INSL6: variants seen among roughly 807,000 people sequenced by gnomAD.
The protein encoded by INSL6 is insulin-like peptide INSL6.
INSL6 carries 16 observed loss-of-function variants against 9.4 expected under a neutral mutation model. The observed-to-expected ratio is 1.70, with a 90% CI of 1.15 to 2.59. INSL6 has a LOEUF of 2.59. Ranked by LOEUF, INSL6 falls within the 30% of genes most tolerant of loss-of-function variation. The probability of loss-of-function intolerance (pLI) is 0.00; values close to 1 mark genes in which losing one functional copy is unlikely to be tolerated. For missense variants in INSL6, 391 were observed against 257.3 expected (o/e 1.52, Z -3.56); for synonymous variants, 154 against 96.9 (o/e 1.59, Z -3.46).
chr9:5,080,938 C>T, the INSL6 span, among the ~76,000 whole-genome samples: 1 of 140,096 alleles, frequency 7.1e-6, no homozygotes, highest in Non-Finnish European at 1.5e-5. Context: ...CTCTGTCGCC[C>T]AGGCTGGAGT....
At chr9:5,114,547 C>A in the INSL6 span, 1 of 479,946 alleles carries the variant, frequency 2.1e-6, no homozygotes, top group Non-Finnish European at 4.1e-6. Flanking sequence ...GACAAGCGCA[C>A]CCTCACCTGC....
At chr9:5,138,747 A>G (rs933526997) in intron 2 of INSL6, among the ~76,000 whole-genome samples, 1 of 152,038 alleles carries the variant, frequency 6.6e-6, no homozygotes, top group Non-Finnish European at 1.5e-5. Context: ...AAATAATAAA[A>G]GTACTGAATC....
chr9:5,025,538 C>CTTTT, the INSL6 span, among the ~76,000 whole-genome samples: 55 of 140,374 alleles, frequency 3.9e-4, 2 homozygotes, highest in Non-Finnish European at 6.9e-4. Flanking sequence ...AGTTTGTTTC[C>CTTTT]TTTTTTTTTT....
At chr9:5,147,123 C>T (rs983919369) in intron 2 of INSL6, among the ~76,000 whole-genome samples, 4 of 152,148 alleles carry the variant, frequency 2.6e-5, no homozygotes, top group Non-Finnish European at 4.4e-5. Flanking sequence ...TCCTGCAGCA[C>T]ATCAGTTAGT....
chr9:5,161,640 T>C (rs1389946226), downstream of INSL6, among the ~76,000 whole-genome samples: 1 of 151,964 alleles, frequency 6.6e-6, no homozygotes, highest in African/African-American at 2.4e-5. Flanking sequence ...AAGAAATGAG[T>C]AAAACCATCC....
At chr9:5,033,279 C>G in the INSL6 span, among the ~76,000 whole-genome samples, 1 of 151,442 alleles carries the variant, frequency 6.6e-6, no homozygotes, top group African/African-American at 2.4e-5. Context: ...ATTGGTGTAC[C>G]TGATGGGGAG....
At chr9:5,057,580 C>CTTTTTTTTTTTTTTTTTTTTTTTT in the INSL6 span, among the ~76,000 whole-genome samples, 1 of 116,800 alleles carries the variant, frequency 8.6e-6, no homozygotes. Context: ...ATTCTACTTT[C>CTTTTTTTTTTTTTTTTTTTTTTTT]TTTTTTTTTT....
the INSL6 span, among the ~76,000 whole-genome samples, chr9:5,096,416 C>G: frequency 1.3e-5 from 2 of 152,136 alleles, no homozygotes; most frequent in Admixed American, 1.3e-4. Context: ...CTTGCTAGAT[C>G]GGTGGAATTC....
chr9:5,145,795 C>G (rs1824591727), intron 2 of INSL6, among the ~76,000 whole-genome samples: 1 of 152,162 alleles, frequency 6.6e-6, no homozygotes, highest in African/African-American at 2.4e-5. Context: ...GTTTTCAGCT[C>G]TATCAGGCCG....
chr9:5,142,797 C>T (rs1317600846), intron 2 of INSL6, among the ~76,000 whole-genome samples: 1 of 152,102 alleles, frequency 6.6e-6, no homozygotes, highest in Non-Finnish European at 1.5e-5. Flanking sequence ...GAGAATGCTT[C>T]AAACTTTTAC....
At chr9:5,004,208 T>C in the INSL6 span, among the ~76,000 whole-genome samples, 1 of 152,204 alleles carries the variant, frequency 6.6e-6, no homozygotes, top group Non-Finnish European at 1.5e-5. Context: ...ATCACCATGA[T>C]GTACAATAGA....
chr9:5,005,613 G>C, the INSL6 span, among the ~76,000 whole-genome samples: 4 of 152,092 alleles, frequency 2.6e-5, no homozygotes, highest in Non-Finnish European at 5.9e-5. Context: ...AGAGATTCCA[G>C]TGTAATTTTT....
the INSL6 span, among the ~76,000 whole-genome samples, chr9:5,010,272 C>G: frequency 6.6e-6 from 1 of 151,752 alleles, no homozygotes; most frequent in Non-Finnish European, 1.5e-5. Flanking sequence ...ACTTTTATAT[C>G]TATTTTAAGC....
the INSL6 span, among the ~76,000 whole-genome samples, chr9:5,079,846 T>C: frequency 0.039 from 5,886 of 151,620 alleles, 390 homozygotes; most frequent in African/African-American, 0.13. Flanking sequence ...TTTTTGAAGG[T>C]AAAACTAATG....
At chr9:4,992,656 A>T in the INSL6 span, among the ~76,000 whole-genome samples, 2 of 152,168 alleles carry the variant, frequency 1.3e-5, no homozygotes, top group South Asian at 4.1e-4. Flanking sequence ...AGGTCCAGGT[A>T]CAGAATAGTT....
intron 1 of INSL6, among the ~76,000 whole-genome samples, chr9:5,170,221 T>C (rs1185954025): frequency 6.6e-6 from 1 of 152,148 alleles, no homozygotes; most frequent in East Asian, 1.9e-4. Context: ...CATAAGTACA[T>C]GGAAATTCAA....
At chr9:5,133,386 A>T (rs1824327487) in intron 3 of INSL6, 1 of 151,708 alleles carries the variant, frequency 6.6e-6, no homozygotes, top group South Asian at 2.1e-4. Flanking sequence ...ATACTGAGCC[A>T]AAAAAAATAG....
At chr9:5,141,178 G>A (rs10118789) in intron 2 of INSL6, among the ~76,000 whole-genome samples, 39,187 of 150,982 alleles carry the variant, frequency 0.26, 5,287 homozygotes, top group South Asian at 0.3. Context: ...ATATGCATGC[G>A]TCTTTATAAT....
the INSL6 span, among the ~76,000 whole-genome samples, chr9:5,021,292 G>A: frequency 3.3e-5 from 5 of 152,144 alleles, no homozygotes; most frequent in African/African-American, 1.2e-4. Flanking sequence ...TCTTCTTTGT[G>A]GAGCAGGTGA....
Sources: gnomAD v4.1 joint callset for allele counts (sites outside exome capture counted in the v4.1 genomes callset) on GRCh38, gnomAD v4.1.1 for gene constraint, MANE v1.5 for transcripts, NCBI Gene and HGNC (gene_info 2026-07-23, HGNC 2026-07-21) for gene names.